The following CFAP20DC variants were observed in gnomAD, a reference collection of about 807,000 sequenced individuals.
CFAP20DC encodes CFAP20 domain containing.
Under a neutral mutation model 101.7 loss-of-function variants are expected in CFAP20DC, and 84 were observed. That is an observed-to-expected ratio of 0.83 (90% confidence interval 0.69 to 0.99). CFAP20DC has a LOEUF of 0.99. CFAP20DC is among the 50% of genes least tolerant of loss of function. The pLI is 0.00. For synonymous variants in CFAP20DC, 359 were observed against 351.2 expected (o/e 1.02, Z -0.25); for missense variants, 1,007 against 970.3 (o/e 1.04, Z -0.50).
intron 3 of CFAP20DC, among the ~76,000 whole-genome samples, chr3:58,719,726 A>G (rs933235792): frequency 6.6e-6 from 1 of 152,194 alleles, no homozygotes; most frequent in Non-Finnish European, 1.5e-5. Context: ...CTCTCTTCCC[A>G]AAGAGCCAGC....
chr3:59,029,976 T>C (rs1463780504), intron 4 of CFAP20DC, among the ~76,000 whole-genome samples: 2 of 152,180 alleles, frequency 1.3e-5, no homozygotes, highest in African/African-American at 2.4e-5. Flanking sequence ...AACTACCCCA[T>C]ATGCATAATC....
intron 14 of CFAP20DC, chr3:58,824,490 C>T (rs961051679): frequency 1.3e-5 from 2 of 152,070 alleles, no homozygotes; most frequent in Non-Finnish European, 1.5e-5. Context: ...TTTCCATGAT[C>T]AAGCTGCTAG....
intron 4 of CFAP20DC, among the ~76,000 whole-genome samples, chr3:59,023,157 G>GT (rs531050236): frequency 0.037 from 3,736 of 101,012 alleles, 50 homozygotes; most frequent in Non-Finnish European, 0.045. Context: ...CTACTCTCTT[G>GT]TTTTTTTTTT....
intron 6 of CFAP20DC, among the ~76,000 whole-genome samples, chr3:58,888,400 C>A (rs1232220461): frequency 1.3e-5 from 2 of 151,384 alleles, no homozygotes; most frequent in Non-Finnish European, 2.9e-5. Flanking sequence ...ACAAATAATT[C>A]TTTTTTTTTC....
intron 15 of CFAP20DC, among the ~76,000 whole-genome samples, chr3:58,787,815 G>A (rs1182959080): frequency 6.6e-6 from 1 of 152,062 alleles, no homozygotes; most frequent in Non-Finnish European, 1.5e-5. Flanking sequence ...CCATAAAAAC[G>A]GATGAGTTCA....
chr3:58,936,366 C>T (rs373572444), intron 5 of CFAP20DC, among the ~76,000 whole-genome samples: 1,630 of 152,216 alleles, frequency 0.011, 52 homozygotes, highest in Admixed American at 0.063. Context: ...GTCAGTGTGG[C>T]GATTCCTCAG....
chr3:58,831,109 G>A (rs1169483653), intron 14 of CFAP20DC, among the ~76,000 whole-genome samples: 1 of 152,152 alleles, frequency 6.6e-6, no homozygotes, highest in African/African-American at 2.4e-5. Flanking sequence ...CAACTCCTCT[G>A]CTGGGCCATA....
intron 6 of CFAP20DC, among the ~76,000 whole-genome samples, chr3:58,893,291 G>A (rs2082402851): frequency 6.6e-6 from 1 of 152,148 alleles, no homozygotes; most frequent in South Asian, 2.1e-4. Context: ...CAATCTGCCT[G>A]TCTTGGCCTC....
chr3:58,994,496 C>T (rs1189517859), intron 4 of CFAP20DC, among the ~76,000 whole-genome samples: 2 of 151,910 alleles, frequency 1.3e-5, no homozygotes, highest in African/African-American at 2.4e-5. Context: ...AGTAACTTGC[C>T]CAAGGCACCA....
intron 4 of CFAP20DC, among the ~76,000 whole-genome samples, chr3:59,034,017 C>T (rs1412341606): frequency 6.6e-6 from 1 of 152,200 alleles, no homozygotes; most frequent in African/African-American, 2.4e-5. Flanking sequence ...AGAAACTCTA[C>T]AAGCCAGAAG....
chr3:58,719,093 A>C (rs980932121), intron 3 of CFAP20DC, among the ~76,000 whole-genome samples: 1 of 152,036 alleles, frequency 6.6e-6, no homozygotes, highest in African/African-American at 2.4e-5. Context: ...AAAAATAAAA[A>C]ATTAGCCAGG....
chr3:58,950,128 C>A (rs951780165), intron 4 of CFAP20DC, among the ~76,000 whole-genome samples: 1 of 152,138 alleles, frequency 6.6e-6, no homozygotes, highest in Non-Finnish European at 1.5e-5. Context: ...ACACCAATAA[C>A]AGACAAACGG....
At chr3:58,910,943 G>A (rs2084089634) in intron 6 of CFAP20DC, among the ~76,000 whole-genome samples, 1 of 151,842 alleles carries the variant, frequency 6.6e-6, no homozygotes, top group Admixed American at 6.6e-5. Context: ...ATAGAACTAG[G>A]CCTACATATA....
chr3:58,931,449 A>G (rs537635273), intron 5 of CFAP20DC, among the ~76,000 whole-genome samples: 21 of 152,338 alleles, frequency 1.4e-4, no homozygotes, highest in Admixed American at 7.8e-4. Context: ...CTGGAGATCT[A>G]AGAACGGGCA....
intron 13 of CFAP20DC, among the ~76,000 whole-genome samples, chr3:58,846,724 A>T (rs1296243494): frequency 6.6e-6 from 1 of 150,482 alleles, no homozygotes; most frequent in East Asian, 2.0e-4. Flanking sequence ...CTAAGCCAAA[A>T]GAACAAAGCT....
In CFAP20DC at chr3:58,901,278, C is replaced by T. The variant is rs115263052; in HGVS notation, c.550+12430G>A. Among the ~76,000 whole-genome samples the T allele has an allele frequency of 6.2e-3, 937 of 152,282 alleles. 6 individuals are homozygous for T. Among genetic ancestry groups the T allele is most frequent in the Admixed American group, 9.0e-3 (137 of 15,286 alleles). Reference sequence around the variant, plus strand: ...TTGCCATGTAACTCTCAGATTTTCTCTGAGTTTGCTATAGAATGCTGGAAA... The same window carrying T: ...TTGCCATGTAACTCTCAGATTTTCTTTGAGTTTGCTATAGAATGCTGGAAA... On this transcript the variant is annotated intron_variant, in intron 6 of 16. Coordinates refer to ENST00000482387, the MANE Select transcript of CFAP20DC (RefSeq NM_001394063.1).
At chr3:58,808,778 T>A (rs2074344056) in intron 14 of CFAP20DC, among the ~76,000 whole-genome samples, 1 of 152,046 alleles carries the variant, frequency 6.6e-6, no homozygotes, top group Non-Finnish European at 1.5e-5. Context: ...GCAAATTGGA[T>A]AAAGAGTCAA....
chr3:58,851,939 GT>G (rs1418471153), intron 12 of CFAP20DC, among the ~76,000 whole-genome samples: 2 of 152,190 alleles, frequency 1.3e-5, no homozygotes, highest in Middle Eastern at 3.2e-3. Flanking sequence ...TTTTGTGGGT[GT>G]TTTTCAGCGA....
intron 4 of CFAP20DC, among the ~76,000 whole-genome samples, chr3:59,012,553 T>C (rs1345096528): frequency 6.6e-6 from 1 of 152,222 alleles, no homozygotes; most frequent in Non-Finnish European, 1.5e-5. Flanking sequence ...GACAAGGCTA[T>C]TGGAGCCAGA....
Sources: allele counts gnomAD v4.1 joint callset (sites outside exome capture counted in the v4.1 genomes callset), GRCh38; gene constraint gnomAD v4.1.1; transcripts MANE v1.5; gene names NCBI Gene and HGNC (gene_info 2026-07-23, HGNC 2026-07-21).